The following PTGES variants were observed in gnomAD, a reference collection of about 807,000 sequenced individuals.
PTGES encodes the protein prostaglandin E synthase.
In PTGES, 3 loss-of-function variants were observed where a neutral mutation model predicts 11.8. The ratio of observed to expected loss-of-function variants is 0.25; its 90% CI spans 0.12 to 0.66. The LOEUF is 0.66. Ranked by LOEUF, PTGES falls within the 30% of genes least tolerant of loss-of-function variation. The pLI, the probability that PTGES is intolerant of heterozygous loss-of-function variation, is 0.82. For synonymous variants in PTGES, 94 were observed against 90.4 expected (o/e 1.04, Z -0.22); for missense variants, 180 against 213.0 (o/e 0.85, Z 0.96).
intron 2 of PTGES, among the ~76,000 whole-genome samples, chr9:129,747,109 C>T (rs773311197): frequency 9.8e-5 from 14 of 143,244 alleles, no homozygotes; most frequent in East Asian, 4.4e-4. Context: ...GACAGGGTCT[C>T]GCCATGTTGG....
In PTGES at chr9:129,739,456, A is replaced by C; in HGVS notation, c.*155T>G. The C allele has an allele frequency of 9.8e-7, 1 of 1,018,134 alleles. No homozygotes were observed. The highest frequency in any genetic ancestry group is 1.4e-6 in the Non-Finnish European group (1 of 717,860). 63.1% of individuals were successfully genotyped at this position (1,018,134 alleles called of 1,614,324 possible). On this transcript the variant is annotated 3_prime_UTR_variant, in exon 3 of 3. Coordinates refer to ENST00000340607, the MANE Select transcript of PTGES (RefSeq NM_004878.5). The surrounding 1 kb of genome is among the most constrained non-coding windows in gnomAD (Gnocchi z 5.7). ...CATACACACACACGGGCACACACAC[A>C]GGCCCACTGTGCCCAGAGACCCACA...
At chr9:129,748,056 T>C (rs919351462) in intron 2 of PTGES, among the ~76,000 whole-genome samples, 12 of 143,492 alleles carry the variant, frequency 8.4e-5, no homozygotes, top group African/African-American at 3.1e-4. Flanking sequence ...AGGCCTTCTG[T>C]TCATAACACA....
At position 129,748,723 on chromosome 9, in the gene PTGES, G is replaced by A; in HGVS notation, c.141C>T (p.Pro47=). The A allele has an allele frequency of 1.9e-6, 3 of 1,591,696 alleles. No homozygotes were observed. Among genetic ancestry groups the A allele is most frequent in the African/African-American group, 1.4e-5 (1 of 73,216 alleles). Residue 47 remains proline (P), a synonymous_variant, in exon 2 of 3, where the codon CCC becomes CCT. Transcript: ENST00000340607. The part of the protein sequence containing the change: ...VRLRKKAFAN[P]EDALRHGGPQ... ...GGCCTCCGTGTCTCAGGGCATCCTC[G>A]GGGTTGGCAAAGGCCTGAAATATAC...
intron 2 of PTGES, among the ~76,000 whole-genome samples, chr9:129,744,919 C>T (rs984327429): frequency 6.6e-6 from 1 of 151,934 alleles, no homozygotes; most frequent in Non-Finnish European, 1.5e-5. Flanking sequence ...GTGGTGCAGC[C>T]GGAAGGGAGT....
At chr9:129,743,345 A>C (rs1833018479) in intron 2 of PTGES, among the ~76,000 whole-genome samples, 1 of 152,206 alleles carries the variant, frequency 6.6e-6, no homozygotes, top group Admixed American at 6.5e-5. Flanking sequence ...CAGGCTCCAA[A>C]CCGAGAGACA....
At chr9:129,752,052 C>A (rs1054927497) in intron 1 of PTGES, among the ~76,000 whole-genome samples, 1 of 152,234 alleles carries the variant, frequency 6.6e-6, no homozygotes, top group African/African-American at 2.4e-5. Flanking sequence ...TGCAGCAGGG[C>A]CTGAGCCTGG....
At chr9:129,752,229 TTC>T (rs1206764664) in intron 1 of PTGES, among the ~76,000 whole-genome samples, 1 of 152,216 alleles carries the variant, frequency 6.6e-6, no homozygotes, top group Non-Finnish European at 1.5e-5. Context: ...CCTGGGGTCT[TTC>T]TGCATTCTGC....
In PTGES at chr9:129,747,732, G is replaced by A. The variant is rs767989859; in HGVS notation, c.209+923C>T. On this transcript the variant is annotated intron_variant, in intron 2 of 2. Transcript: ENST00000340607. ...GGCAAATGAAAAAAGTGTTGAGGCC[G>A]GGTGCGGTGGCTCATGCCTGTAATC... is the stretch of plus-strand genomic sequence containing the variant. 3.3e-5 allele frequency among the ~76,000 whole-genome samples: 5 copies of A among 152,016 alleles called. No individual in the cohort carries two copies. The East Asian group carries it at 5.8e-4, about 18-fold the overall frequency.
At chr9:129,752,785 TG>T in intron 1 of PTGES, 101 bp downstream of exon 1, 2 of 1,577,232 alleles carry the variant, frequency 1.3e-6, no homozygotes, top group Non-Finnish European at 1.7e-6. Context: ...CTCCCAGCCC[TG>T]CACACACCTT....
intron 1 of PTGES, among the ~76,000 whole-genome samples, chr9:129,751,154 C>T (rs1024241718): frequency 6.6e-6 from 1 of 151,852 alleles, no homozygotes; most frequent in African/African-American, 2.4e-5. Context: ...TGGCAAAAGC[C>T]ATCTCTACCA....
chr9:129,741,545 G>C (rs1832993933), intron 2 of PTGES, among the ~76,000 whole-genome samples: 1 of 152,182 alleles, frequency 6.6e-6, no homozygotes, highest in Non-Finnish European at 1.5e-5. Context: ...CCAGCGGTGG[G>C]GAACACTGTG....
Position 129,752,994 on chromosome 9 carries a change from C to A in PTGES, c.19G>T (p.Val7Leu), listed in dbSNP as rs1833132286. 6.2e-7 allele frequency: 1 copy of A among 1,607,578 alleles called. No individual in the cohort carries two copies. Reference sequence around the variant, plus strand: ...GCCGGGAGGGCCGGGCTGCTCATCACCAGGCTGTGGGCAGGCATCTCTGGC... The same window carrying A: ...GCCGGGAGGGCCGGGCTGCTCATCAACAGGCTGTGGGCAGGCATCTCTGGC... MPAHSLVMSSPALPAFL... is the reference protein window; with the variant it reads MPAHSLLMSSPALPAFL... Residue 7 changes from valine (V) to leucine (L), a missense_variant, in exon 1 of 3, where the codon GTG becomes TTG. Val to Leu is a conservative substitution (Grantham distance 32, BLOSUM62 1). Coordinates refer to ENST00000340607, the MANE Select transcript of PTGES (RefSeq NM_004878.5).
intron 2 of PTGES, among the ~76,000 whole-genome samples, chr9:129,741,346 T>G (rs566323225): frequency 6.6e-6 from 1 of 152,300 alleles, no homozygotes; most frequent in South Asian, 2.1e-4. Flanking sequence ...GAATTCAATC[T>G]GAGTGTACAA....
chr9:129,747,089 C>G (rs1269756163), intron 2 of PTGES, among the ~76,000 whole-genome samples: 1 of 152,090 alleles, frequency 6.6e-6, no homozygotes, highest in African/African-American at 2.4e-5. Context: ...ATTTTTGTAT[C>G]TTTAGTGGAG....
chr9:129,747,650 C>A (rs955128416), intron 2 of PTGES, among the ~76,000 whole-genome samples: 6 of 152,072 alleles, frequency 3.9e-5, no homozygotes, highest in African/African-American at 1.4e-4. Context: ...GCTCCCACAC[C>A]AGTAGTGGGA....
intron 2 of PTGES, among the ~76,000 whole-genome samples, chr9:129,741,635 C>T (rs1273911834): frequency 3.9e-5 from 6 of 152,284 alleles, no homozygotes; most frequent in Non-Finnish European, 4.4e-5. Flanking sequence ...AGGGAGATTA[C>T]AGACTCACGC....
At chr9:129,751,555 T>C (rs1833108768) in intron 1 of PTGES, among the ~76,000 whole-genome samples, 1 of 151,802 alleles carries the variant, frequency 6.6e-6, no homozygotes, top group African/African-American at 2.4e-5. Context: ...GGTGTGTGTC[T>C]GTAATGCCAG....
In PTGES at chr9:129,752,960, A is replaced by G; in HGVS notation, c.53T>C (p.Leu18Pro). ...MSSPALPAFL[L>P]CSTLLVIKMY... The stretch of plus-strand genomic sequence containing the variant: ...CTTGATGACCAGCAGCGTGCTGCAG[A>G]GCAGGAAGGCCGGGAGGGCCGGGCT... Residue 18 changes from leucine (L) to proline (P), a missense_variant, in exon 1 of 3, where the codon CTC becomes CCC. Physicochemically the swap from Leu to Pro is moderately conservative, Grantham distance 98. Coordinates refer to ENST00000340607, the MANE Select transcript of PTGES (RefSeq NM_004878.5). 2 of 1,612,428 alleles carry G rather than the reference A, an allele frequency of 1.2e-6. No individual in the cohort carries two copies. The highest frequency in any genetic ancestry group is 2.2e-5 in the South Asian group (2 of 91,090).
intron 2 of PTGES, among the ~76,000 whole-genome samples, chr9:129,748,163 A>G (rs1381638566): frequency 6.7e-6 from 1 of 150,066 alleles, no homozygotes; most frequent in Non-Finnish European, 1.5e-5. Flanking sequence ...GCACCAATAC[A>G]GTGAATGCAA....
Sources: gnomAD v4.1 joint callset for allele counts (sites outside exome capture counted in the v4.1 genomes callset) on GRCh38, gnomAD v4.1.1 for gene constraint, Gnocchi (gnomAD v3.1) non-coding constraint, MANE v1.5 for transcripts, NCBI Gene and HGNC (gene_info 2026-07-23, HGNC 2026-07-21) for gene names.